Variants in CNKSR3 observed in about 807,000 individuals in gnomAD.
CNKSR3 encodes connector enhancer of kinase suppressor of ras 3.
In CNKSR3, 36 loss-of-function variants were observed where a neutral mutation model predicts 67.7. That is an observed-to-expected ratio of 0.53 (90% CI 0.41 to 0.70). The LOEUF is 0.70. Ranked by LOEUF, CNKSR3 falls within the 30% of genes least tolerant of loss-of-function variation. CNKSR3 has a pLI of 0.00. For synonymous variants in CNKSR3, 281 were observed against 271.4 expected (o/e 1.04, Z -0.35); for missense variants, 630 against 695.2 (o/e 0.91, Z 1.05).
chr6:154,428,394 T>G (rs1785297631), intron 6 of CNKSR3, among the ~76,000 whole-genome samples: 1 of 152,186 alleles, frequency 6.6e-6, no homozygotes, highest in South Asian at 2.1e-4. Context: ...ATAAAACATG[T>G]GATCTCTTTG....
chr6:154,477,420 C>T (rs1267976891), intron 1 of CNKSR3, among the ~76,000 whole-genome samples: 1 of 152,054 alleles, frequency 6.6e-6, no homozygotes, highest in Non-Finnish European at 1.5e-5. Context: ...AAGCAATTCT[C>T]CTGTCTCAGC....
chr6:154,448,839 G>A (rs899368481), intron 2 of CNKSR3, among the ~76,000 whole-genome samples: 3 of 152,136 alleles, frequency 2.0e-5, no homozygotes, highest in Non-Finnish European at 2.9e-5. Context: ...GACCAGCGAC[G>A]GCAAAATCAT....
chr6:154,394,340 G>C lies in CNKSR3; in HGVS notation c.*12014C>G, dbSNP rs4870282. 47,956 of 151,914 alleles carry C rather than the reference G, an allele frequency of 0.32. 7,898 individuals carry two copies. Among genetic ancestry groups the C allele is most frequent in the East Asian group, 0.52 (2,687 of 5,144 alleles). 9.4% of individuals were successfully genotyped at this position (151,914 alleles called of 1,614,324 possible). ...ATTATTGTCACTTCTAGGCCAGGTTGGTTGAGTATTCACTTTCCTGGGACC... is the reference window on the plus strand; with the variant it reads ...ATTATTGTCACTTCTAGGCCAGGTTCGTTGAGTATTCACTTTCCTGGGACC... On this transcript the variant is annotated 3_prime_UTR_variant, in exon 13 of 13. Transcript: ENST00000607772.
At position 154,504,295 on chromosome 6, in the gene CNKSR3, C is replaced by G. The variant is rs80078607; in HGVS notation, c.52+5768G>C. 9.7e-3 allele frequency among the ~76,000 whole-genome samples: 1,478 copies of G among 152,366 alleles called. 7 individuals carry two copies. Among genetic ancestry groups the G allele is most frequent in the Admixed American group, 0.016 (248 of 15,306 alleles). ...GTTCTGCCCCGGATCCTCTGACCAG[C>G]TGGTAAACGGCAGAGAAATCTCTTT... On this transcript the variant is annotated intron_variant, in intron 1 of 12. Coordinates refer to ENST00000607772, the MANE Select transcript of CNKSR3 (RefSeq NM_173515.4).
intron 1 of CNKSR3, among the ~76,000 whole-genome samples, chr6:154,474,094 A>G (rs1391610159): frequency 7.4e-6 from 1 of 135,666 alleles, no homozygotes; most frequent in Non-Finnish European, 1.5e-5. Context: ...TAGTTATCAC[A>G]CCTACCTCAT....
intron 4 of CNKSR3, among the ~76,000 whole-genome samples, chr6:154,440,007 C>T (rs915229820): frequency 6.6e-6 from 1 of 152,182 alleles, no homozygotes; most frequent in Admixed American, 6.5e-5. Flanking sequence ...AAATGCCATG[C>T]CTTCATGGCT....
chr6:154,407,800 A>C (rs564180532), intron 12 of CNKSR3, among the ~76,000 whole-genome samples: 2 of 143,730 alleles, frequency 1.4e-5, no homozygotes, highest in East Asian at 4.6e-4. Context: ...GAATTTTCTA[A>C]ATTTTCTAAA....
At chr6:154,418,022 C>G (rs551240919) in intron 9 of CNKSR3, among the ~76,000 whole-genome samples, 1 of 152,314 alleles carries the variant, frequency 6.6e-6, no homozygotes, top group Admixed American at 6.5e-5. Context: ...CTGAGCTACT[C>G]ATTTCTTCTG....
At position 154,415,228 on chromosome 6, in the gene CNKSR3, A is replaced by ATTTTTTTTTTTTTTTTTTTTTTT. The variant is rs35873703; in HGVS notation, c.946-806_946-805insAAAAAAAAAAAAAAAAAAAAAAA. Among the ~76,000 whole-genome samples, 76 of 118,096 alleles carry ATTTTTTTTTTTTTTTTTTTTTTT rather than the reference A, an allele frequency of 6.4e-4. 4 individuals are homozygous for ATTTTTTTTTTTTTTTTTTTTTTT. Among genetic ancestry groups the ATTTTTTTTTTTTTTTTTTTTTTT allele is most frequent in the East Asian group, 6.2e-3 (19 of 3,066 alleles). 77.5% of individuals were successfully genotyped at this position (118,096 alleles called of 152,430 possible). A position where few individuals can be genotyped will look rare whatever the true frequency, so the allele number is the denominator to read the frequency against. On this transcript the variant is annotated intron_variant, in intron 9 of 12. Coordinates refer to ENST00000607772, the MANE Select transcript of CNKSR3 (RefSeq NM_173515.4). ...TCCTGGCTAGACTTACTAGCTGCCC[A>ATTTTTTTTTTTTTTTTTTTTTTT]TTTTTTTTTTTTTTTTTTTTAAGAT...
chr6:154,477,379 C>T (rs1159241417), intron 1 of CNKSR3, among the ~76,000 whole-genome samples: 1 of 152,028 alleles, frequency 6.6e-6, no homozygotes, highest in Admixed American at 6.5e-5. Context: ...GGTACAATCT[C>T]GGCTCACTGC....
chr6:154,468,255 C>G (rs1562346759), intron 1 of CNKSR3, among the ~76,000 whole-genome samples: 1 of 151,236 alleles, frequency 6.6e-6, no homozygotes, highest in East Asian at 2.0e-4. Flanking sequence ...AATTTTTGTA[C>G]TTTTAGTAGA....
At chr6:154,456,017 A>C (rs1785947027) in intron 1 of CNKSR3, among the ~76,000 whole-genome samples, 1 of 152,160 alleles carries the variant, frequency 6.6e-6, no homozygotes, top group African/African-American at 2.4e-5. Flanking sequence ...CAAACAAAAA[A>C]CAAAACAACA....
At chr6:154,468,393 T>TAC (rs55806681) in intron 1 of CNKSR3, among the ~76,000 whole-genome samples, 60,372 of 136,960 alleles carry the variant, frequency 0.44, 13,652 homozygotes, top group East Asian at 0.56. Context: ...ATATATTTTA[T>TAC]ACACACACAC....
intron 1 of CNKSR3, among the ~76,000 whole-genome samples, chr6:154,454,104 C>CACAG (rs1268729108): frequency 8.6e-6 from 1 of 116,290 alleles, no homozygotes; most frequent in Admixed American, 8.7e-5. Flanking sequence ...CACACACACA[C>CACAG]AGAGAGAGAG....
chr6:154,422,893 G>T (rs1248299659), intron 8 of CNKSR3, 22 bp downstream of exon 8: 1 of 1,566,066 alleles, frequency 6.4e-7, no homozygotes, highest in Non-Finnish European at 8.7e-7. Context: ...GAGGAAAATT[G>T]AGCCTCAATA....
At position 154,394,687 on chromosome 6, in the gene CNKSR3, G is replaced by A. The variant is rs1240933450; in HGVS notation, c.*11667C>T. The A allele has an allele frequency of 6.7e-6, 1 of 150,070 alleles. No individual in the cohort carries two copies. The highest frequency in any genetic ancestry group is 2.5e-5 in the African/African-American group (1 of 40,750). The allele number at this position is 150,070 out of a possible 1,614,324, so 9.3% of individuals were successfully genotyped here. A position where few individuals can be genotyped will look rare whatever the true frequency, so the allele number is the denominator to read the frequency against. The stretch of plus-strand genomic sequence containing the variant: ...AATAGAAAATAAAAAGCAGAAATCA[G>A]TGAAATTGAAAACAAAGAAACAACA... On this transcript the variant is annotated 3_prime_UTR_variant, in exon 13 of 13. Coordinates refer to ENST00000607772, the MANE Select transcript of CNKSR3 (RefSeq NM_173515.4).
chr6:154,478,377 C>T (rs1786497825), intron 1 of CNKSR3: 1 of 153,490 alleles, frequency 6.5e-6, no homozygotes, highest in Non-Finnish European at 1.5e-5. Flanking sequence ...TCCCCAGAAG[C>T]TTCTCCTCCT....
At chr6:154,491,593 T>C (rs1369452097) in intron 1 of CNKSR3, among the ~76,000 whole-genome samples, 1 of 152,200 alleles carries the variant, frequency 6.6e-6, no homozygotes, top group Admixed American at 6.5e-5. Flanking sequence ...TCTTTTCTAC[T>C]TACATGGGTA....
Position 154,406,440 on chromosome 6 carries a change from A to G in CNKSR3, c.1582T>C (p.Ser528Pro). 2 of 1,614,066 alleles carry G rather than the reference A, an allele frequency of 1.2e-6. No homozygotes were observed. The highest frequency in any genetic ancestry group is 1.7e-6 in the Non-Finnish European group (2 of 1,180,026). The change falls in exon 13 of 13, where the codon TCT (serine) becomes CCT (proline). Residue 528 changes from serine to proline, a missense_variant. Ser to Pro is a moderately conservative substitution (Grantham distance 74). Coordinates refer to ENST00000607772, the MANE Select transcript of CNKSR3 (RefSeq NM_173515.4). ...PFQEEGTKKK[S>P]GSSATKSSST... Reference sequence around the variant, plus strand: ...GAGGACTTCGTAGCTGAGGAGCCAGATTTCTTTTTGGTCCCTTCCTCCTGG... The same window carrying G: ...GAGGACTTCGTAGCTGAGGAGCCAGGTTTCTTTTTGGTCCCTTCCTCCTGG...
Sources: gnomAD v4.1 joint callset for allele counts (sites outside exome capture counted in the v4.1 genomes callset) on GRCh38, gnomAD v4.1.1 for gene constraint, MANE v1.5 for transcripts, NCBI Gene and HGNC (gene_info 2026-07-23, HGNC 2026-07-21) for gene names.